OTX2: variants seen among roughly 807,000 people sequenced by gnomAD.
OTX2 encodes orthodenticle homeobox 2.
In OTX2, 4 loss-of-function variants were observed where a neutral mutation model predicts 29.0. The observed-to-expected ratio is 0.14, with a 90% confidence interval of 0.07 to 0.32. The LOEUF (loss-of-function observed/expected upper bound fraction) is 0.32. Ranked by LOEUF, OTX2 falls within the 10% of genes least tolerant of loss-of-function variation. The probability of loss-of-function intolerance (pLI) is 1.00; values close to 1 mark genes in which losing one functional copy is unlikely to be tolerated. For synonymous variants in OTX2, 134 were observed against 141.0 expected, an observed-to-expected ratio of 0.95 and a Z score of 0.35; for missense variants, 298 against 365.9, an observed-to-expected ratio of 0.81 and a Z score of 1.51.
chr14:56,801,588 C>T lies in OTX2; in HGVS notation c.*147G>A, dbSNP rs1478094910. On this transcript the variant is annotated 3_prime_UTR_variant, in exon 5 of 5. Coordinates refer to ENST00000672264, the MANE Select transcript of OTX2 (RefSeq NM_021728.4). This position sits in a 1 kb window ranked among gnomAD's most constrained non-coding sequence, Gnocchi z 4.2. ...GTTTGTAGGCCCCTCTAAGGCCCTT[C>T]GTTTTTCCTTCTATGCCTCTCGGAA... 6.9e-6 allele frequency: 6 copies of T among 871,904 alleles called. No individual in the cohort carries two copies. The highest frequency in any genetic ancestry group is 2.5e-5 in the East Asian group (1 of 39,250). 54.0% of individuals were successfully genotyped at this position (871,904 alleles called of 1,614,324 possible).
chr14:56,801,503 C>G lies in OTX2; in HGVS notation c.*232G>C. On this transcript the variant is annotated 3_prime_UTR_variant, in exon 5 of 5. Transcript: ENST00000672264. This position sits in a 1 kb window ranked among gnomAD's most constrained non-coding sequence, Gnocchi z 4.2. Reference sequence around the variant, plus strand: ...TGATCACTTTGCAAATCAGGATAACCAATGATCTAAAACTATGACAGGATC... The same window carrying G: ...TGATCACTTTGCAAATCAGGATAACGAATGATCTAAAACTATGACAGGATC... 1 of 577,764 alleles carries G rather than the reference C, an allele frequency of 1.7e-6. No individual in the cohort carries two copies. The highest frequency in any genetic ancestry group is 3.1e-6 in the Non-Finnish European group (1 of 324,512). 35.8% of individuals were successfully genotyped at this position (577,764 alleles called of 1,614,324 possible).
rs904983937 is a variant in OTX2, at chr14:56,804,524, C to A, written c.98-161G>T. Among the ~76,000 whole-genome samples the A allele has an allele frequency of 6.6e-6, 1 of 151,910 alleles. No individual in the cohort carries two copies. Among genetic ancestry groups the A allele is most frequent in the African/African-American group, 2.4e-5 (1 of 41,338 alleles). On this transcript the variant is annotated intron_variant, in intron 3 of 4. Transcript: ENST00000672264. The surrounding 1 kb of genome is among the most constrained non-coding windows in gnomAD (Gnocchi z 4.1). ...CTCCCCAGCCTTGCTCCCCGGGGAC[C>A]CAGGACACACGCTGCTTCTTTCCCT...
At chr14:56,805,311 G>T (rs771739032) in intron 3 of OTX2, 49 bp downstream of exon 3, 4 of 1,234,860 alleles carry the variant, frequency 3.2e-6, no homozygotes, top group Admixed American at 3.4e-5. Context: ...CATCCCCGGA[G>T]GGTGGGCATG....
In OTX2 at chr14:56,800,605, T is replaced by C. The variant is rs1239696736; in HGVS notation, c.*1130A>G. ...AAAAAAAAAGTAAAAATAAGTTTGC[T>C]AATTTACTCTCTGTCCTAAGAAAAA... is the stretch of plus-strand genomic sequence containing the variant. On this transcript the variant is annotated 3_prime_UTR_variant, in exon 5 of 5. Coordinates refer to ENST00000672264, the MANE Select transcript of OTX2 (RefSeq NM_021728.4). The C allele has an allele frequency of 2.0e-5, 3 of 152,326 alleles. No individual in the cohort carries two copies. Among genetic ancestry groups the C allele is most frequent in the African/African-American group, 7.2e-5 (3 of 41,452 alleles). The allele number at this position is 152,326 out of a possible 1,614,324, so 9.4% of individuals were successfully genotyped here.
rs971574768 is a variant in OTX2, at chr14:56,801,358, G to T, written c.*377C>A. On this transcript the variant is annotated 3_prime_UTR_variant, in exon 5 of 5. Coordinates refer to ENST00000672264, the MANE Select transcript of OTX2 (RefSeq NM_021728.4). The surrounding 1 kb of genome is among the most constrained non-coding windows in gnomAD (Gnocchi z 4.2). ...ATTCCTAAGATTCAACCAAGGATTG[G>T]CTAAAACAATGGAACACCTCTGCTT... is the stretch of plus-strand genomic sequence containing the variant. The T allele has an allele frequency of 1.6e-5, 5 of 313,244 alleles. No individual in the cohort carries two copies. The highest frequency in any genetic ancestry group is 2.5e-5 in the Non-Finnish European group (4 of 163,252). The allele number at this position is 313,244 out of a possible 1,614,324, so 19.4% of individuals were successfully genotyped here. A position where few individuals can be genotyped will look rare whatever the true frequency, so the allele number is the denominator to read the frequency against.
At chr14:56,809,194 C>T (rs1306677486) in intron 2 of OTX2, among the ~76,000 whole-genome samples, 1 of 152,154 alleles carries the variant, frequency 6.6e-6, no homozygotes, top group Non-Finnish European at 1.5e-5. Context: ...CTGGCCCGGC[C>T]GCGGCCTTGG....
At position 56,805,565 on chromosome 14, in the gene OTX2, G is replaced by GA; in HGVS notation, c.-110dup. 1.4e-6 allele frequency: 1 copy of GA among 729,990 alleles called. No individual in the cohort carries two copies. Among genetic ancestry groups the GA allele is most frequent in the Non-Finnish European group, 2.5e-6 (1 of 403,712 alleles). 45.2% of individuals were successfully genotyped at this position (729,990 alleles called of 1,614,324 possible). On this transcript the variant is annotated 5_prime_UTR_variant, in exon 3 of 5. Coordinates refer to ENST00000672264, the MANE Select transcript of OTX2 (RefSeq NM_021728.4). ...TCAGAGTCCTTGGTGGGTGGGTTTG[G>GA]AGCAGTGGAACTAAGGGCAAAGCAA...
rs1326480147 is a variant in OTX2 at position 56,805,501 on chromosome 14, C to T, written c.-45G>A. On this transcript the variant is annotated 5_prime_UTR_variant, in exon 3 of 5. Transcript: ENST00000672264. ...GCAAAGTCGGCCCAAATCGGGGGTA[C>T]CCAGCTGGAAGATCTTGATGCGCCC... 2 of 1,346,088 alleles carry T rather than the reference C, an allele frequency of 1.5e-6. No homozygotes were observed. The highest frequency in any genetic ancestry group is 2.1e-6 in the Non-Finnish European group (2 of 940,358). 83.4% of individuals were successfully genotyped at this position (1,346,088 alleles called of 1,614,324 possible).
intron 2 of OTX2, among the ~76,000 whole-genome samples, chr14:56,808,632 C>T (rs549932986): frequency 4.6e-5 from 7 of 152,324 alleles, no homozygotes; most frequent in African/African-American, 1.7e-4. Flanking sequence ...CTACTCCCCT[C>T]TGTTGCTAAT....
Position 56,808,457 on chromosome 14 carries a change from G to C in OTX2, c.-120+1702C>G, listed in dbSNP as rs72715073. On this transcript the variant is annotated intron_variant, in intron 2 of 4. Transcript: ENST00000672264. Reference sequence around the variant, plus strand: ...CTCTCTCCGGCGAACTCGAGTGAAAGTTTCTGGCCTCGGGGAATCAAATAA... The same window carrying C: ...CTCTCTCCGGCGAACTCGAGTGAAACTTTCTGGCCTCGGGGAATCAAATAA... Among the ~76,000 whole-genome samples, 1,007 of 152,296 alleles carry C rather than the reference G, an allele frequency of 6.6e-3. 7 individuals carry two copies. The highest frequency in any genetic ancestry group is 8.5e-3 in the Non-Finnish European group (581 of 68,022).
chr14:56,801,947 T>C lies in OTX2; in HGVS notation c.682A>G (p.Ser228Gly), dbSNP rs529946021. Residue 228 changes from serine to glycine, a missense_variant, in exon 5 of 5, where the codon AGT becomes GGT. This residue lies in a region of OTX2 where 219 missense variants were observed against 223.5 expected (regional missense o/e 0.98). Coordinates refer to ENST00000672264, the MANE Select transcript of OTX2 (RefSeq NM_021728.4). This position sits in a 1 kb window ranked among gnomAD's most constrained non-coding sequence, Gnocchi z 4.2. ...HQLPGPGATLSPMGTNAVTSH... is the reference protein window; with the variant it reads ...HQLPGPGATLGPMGTNAVTSH... ...GTGACTGCATTGGTACCCATGGGACTGAGTGTGGCCCCTGGTCCGGGAAGC... is the reference window on the plus strand; with the variant it reads ...GTGACTGCATTGGTACCCATGGGACCGAGTGTGGCCCCTGGTCCGGGAAGC... The C allele has an allele frequency of 3.1e-6, 5 of 1,614,202 alleles. No individual in the cohort carries two copies. In the Admixed American group the frequency reaches 6.7e-5, roughly 22 times the overall value.
At chr14:56,805,225 T>C (rs1892040081) in intron 3 of OTX2, 135 bp downstream of exon 3, 1 of 676,718 alleles carries the variant, frequency 1.5e-6, no homozygotes, top group African/African-American at 1.8e-5. Flanking sequence ...AAGGCAAACC[T>C]AGAGGAGACC....
Position 56,800,803 on chromosome 14 carries a change from C to T in OTX2, c.*932G>A, listed in dbSNP as rs1891847264. 1 of 152,592 alleles carries T rather than the reference C, an allele frequency of 6.6e-6. No homozygotes were observed. Among genetic ancestry groups the T allele is most frequent in the African/African-American group, 2.4e-5 (1 of 41,440 alleles). 9.5% of individuals were successfully genotyped at this position (152,592 alleles called of 1,614,324 possible). On this transcript the variant is annotated 3_prime_UTR_variant, in exon 5 of 5. Transcript: ENST00000672264. Reference sequence around the variant, plus strand: ...AACTTTTCCATTTAACATCTGCAAGCATAAACGACAATGATCTCAGTTTAA... The same window carrying T: ...AACTTTTCCATTTAACATCTGCAAGTATAAACGACAATGATCTCAGTTTAA...
Position 56,804,958 on chromosome 14 carries a change from T to C in OTX2, c.97+402A>G, listed in dbSNP as rs1162992451. Among the ~76,000 whole-genome samples the C allele has an allele frequency of 6.6e-6, 1 of 151,830 alleles. No homozygotes were observed. Among genetic ancestry groups the C allele is most frequent in the East Asian group, 1.9e-4 (1 of 5,164 alleles). ...AGGGAACAACTGCGAAGCCCGAGAG[T>C]GCTAAGGACTTACGGAGGGAAAACT... On this transcript the variant is annotated intron_variant, in intron 3 of 4. Coordinates refer to ENST00000672264, the MANE Select transcript of OTX2 (RefSeq NM_021728.4). This position sits in a 1 kb window ranked among gnomAD's most constrained non-coding sequence, Gnocchi z 4.1.
intron 2 of OTX2, among the ~76,000 whole-genome samples, chr14:56,806,102 T>G (rs1892082875): frequency 6.6e-6 from 1 of 152,112 alleles, no homozygotes; most frequent in Non-Finnish European, 1.5e-5. Context: ...ATGGCAGAGA[T>G]TTTAATTATC....
Position 56,808,142 on chromosome 14 carries a change from A to G in OTX2, c.-120+2017T>C, listed in dbSNP as rs190957333. 1.8e-3 allele frequency among the ~76,000 whole-genome samples: 266 copies of G among 151,574 alleles called. 2 individuals are homozygous for G. The highest frequency in any genetic ancestry group is 3.3e-3 in the East Asian group (17 of 5,168). On this transcript the variant is annotated intron_variant, in intron 2 of 4. Transcript: ENST00000672264. ...GTTTTTTTTTTCTTCCAAGAAGCCC[A>G]TCTACCAGTTGCTGTGTCCTCGCTC...
In OTX2 at chr14:56,800,727, T is replaced by C. The variant is rs184224534; in HGVS notation, c.*1008A>G. ...CAATGTTGTGCTAGAACCATTTTAATATAATTATACATATCTGCCAAATCC... is the reference window on the plus strand; with the variant it reads ...CAATGTTGTGCTAGAACCATTTTAACATAATTATACATATCTGCCAAATCC... On this transcript the variant is annotated 3_prime_UTR_variant, in exon 5 of 5. Coordinates refer to ENST00000672264, the MANE Select transcript of OTX2 (RefSeq NM_021728.4). 6.5e-6 allele frequency: 1 copy of C among 152,770 alleles called. No individual in the cohort carries two copies. Among genetic ancestry groups the C allele is most frequent in the Admixed American group, 6.5e-5 (1 of 15,298 alleles). The allele number at this position is 152,770 out of a possible 1,614,324, so 9.5% of individuals were successfully genotyped here. A position where few individuals can be genotyped will look rare whatever the true frequency, so the allele number is the denominator to read the frequency against.
Position 56,801,484 on chromosome 14 carries a change from C to T in OTX2, c.*251G>A, listed in dbSNP as rs945281239. The T allele has an allele frequency of 1.8e-6, 1 of 550,350 alleles. No homozygotes were observed. The highest frequency in any genetic ancestry group is 1.9e-5 in the African/African-American group (1 of 52,916). The allele number at this position is 550,350 out of a possible 1,614,324, so 34.1% of individuals were successfully genotyped here. ...CACATGGCTAGAATGCTTTTGATCACTTTGCAAATCAGGATAACCAATGAT... is the reference window on the plus strand; with the variant it reads ...CACATGGCTAGAATGCTTTTGATCATTTTGCAAATCAGGATAACCAATGAT... On this transcript the variant is annotated 3_prime_UTR_variant, in exon 5 of 5. Transcript: ENST00000672264. This position sits in a 1 kb window ranked among gnomAD's most constrained non-coding sequence, Gnocchi z 4.2.
At chr14:56,803,023 A>G (rs1443181756) in intron 4 of OTX2, among the ~76,000 whole-genome samples, 2 of 152,222 alleles carry the variant, frequency 1.3e-5, no homozygotes, top group Non-Finnish European at 2.9e-5. Context: ...CAGACCTGCT[A>G]GTCTCTGGGA....
Sources: allele counts gnomAD v4.1 joint callset (sites outside exome capture counted in the v4.1 genomes callset), GRCh38; gene constraint gnomAD v4.1.1; regional missense constraint gnomAD v4.1.1; non-coding constraint Gnocchi (gnomAD v3.1); transcripts MANE v1.5; gene names NCBI Gene and HGNC (gene_info 2026-07-23, HGNC 2026-07-21).